Variants in UBR2 observed in about 807,000 individuals in gnomAD.
The protein encoded by UBR2 is E3 ubiquitin-protein ligase UBR2.
Under a neutral mutation model 247.9 loss-of-function variants are expected in UBR2, and 92 were observed. That is an observed-to-expected ratio of 0.37 (90% confidence interval 0.31 to 0.44). The LOEUF (loss-of-function observed/expected upper bound fraction) is 0.44. Ranked by LOEUF, UBR2 falls within the 20% of genes least tolerant of loss-of-function variation. The pLI is 1.00. For synonymous variants in UBR2, 672 were observed against 693.5 expected (o/e 0.97, Z 0.49); for missense variants, 1,613 against 2,112.6 (o/e 0.76, Z 4.64).
intron 11 of UBR2, among the ~76,000 whole-genome samples, chr6:42,622,104 C>T (rs1347251068): frequency 6.6e-6 from 1 of 152,146 alleles, no homozygotes; most frequent in Non-Finnish European, 1.5e-5. Context: ...CAACCTCTGC[C>T]TCCCAGGTTC....
At chr6:42,686,717 C>T (rs1165253852) in intron 44 of UBR2, among the ~76,000 whole-genome samples, 1 of 150,272 alleles carries the variant, frequency 6.7e-6, no homozygotes, top group Non-Finnish European at 1.5e-5. Flanking sequence ...TGCCCCCCAC[C>T]TCCCGGACGG....
At chr6:42,614,380 A>ATATGTATGTACGTACATACATACGTATG (rs1408237817) in intron 8 of UBR2, among the ~76,000 whole-genome samples, 4 of 131,578 alleles carry the variant, frequency 3.0e-5, no homozygotes, top group African/African-American at 1.2e-4. Context: ...ATGTGTGTAT[A>ATATGTATGTACGTACATACATACGTATG]TATGTATGTA....
At chr6:42,607,075 A>G (rs192628758) in intron 7 of UBR2, among the ~76,000 whole-genome samples, 65 of 152,206 alleles carry the variant, frequency 4.3e-4, no homozygotes, top group Middle Eastern at 3.4e-3. Context: ...AGCACAAACT[A>G]TTCTCCACAT....
intron 13 of UBR2, chr6:42,634,249 A>G (rs1468543830): frequency 4.7e-6 from 2 of 422,816 alleles, no homozygotes; most frequent in Non-Finnish European, 9.3e-6. Flanking sequence ...TCTTTTTAGG[A>G]AACATCCCTA....
At chr6:42,653,293 G>T (rs1797227741) in intron 25 of UBR2, among the ~76,000 whole-genome samples, 1 of 152,092 alleles carries the variant, frequency 6.6e-6, no homozygotes, top group South Asian at 2.1e-4. Flanking sequence ...ATGTTCCCCA[G>T]GCTGGTCTCA....
chr6:42,637,236 T>C, intron 15 of UBR2, 42 bp downstream of exon 15: 1 of 1,575,080 alleles, frequency 6.3e-7, no homozygotes. Flanking sequence ...AATTATCTTT[T>C]AAATTGTTGT....
intron 1 of UBR2, among the ~76,000 whole-genome samples, chr6:42,571,006 C>T (rs1466565193): frequency 2.0e-5 from 3 of 147,238 alleles, no homozygotes; most frequent in African/African-American, 7.5e-5. Flanking sequence ...TTTTTCTTAA[C>T]CAGAAGCTGA....
intron 36 of UBR2, among the ~76,000 whole-genome samples, chr6:42,671,065 GTCC>G (rs1798394783): frequency 6.6e-6 from 1 of 151,716 alleles, no homozygotes; most frequent in African/African-American, 2.4e-5. Flanking sequence ...CATGCCTATA[GTCC>G]CAGCTACTCA....
At position 42,592,105 on chromosome 6, in the gene UBR2, T is replaced by C. The variant is rs550594267; in HGVS notation, c.339-46T>C. The C allele has an allele frequency of 3.4e-5, 51 of 1,501,408 alleles. No homozygotes were observed. In the South Asian group the frequency reaches 5.0e-4, roughly 15 times the overall value. 93.0% of individuals were successfully genotyped at this position (1,501,408 alleles called of 1,614,324 possible). The stretch of plus-strand genomic sequence containing the variant: ...TTTGAAATAATTCTGTTGTGAAATA[T>C]ATAGTTATTTTCTGACACTTTGATT... On this transcript the variant is annotated intron_variant, in intron 2 of 46. Transcript: ENST00000372901.
At chr6:42,638,076 T>C (rs1282536481) in intron 15 of UBR2, among the ~76,000 whole-genome samples, 2 of 152,228 alleles carry the variant, frequency 1.3e-5, no homozygotes, top group Non-Finnish European at 2.9e-5. Flanking sequence ...AGAGTTTGTT[T>C]CATTTCTTCC....
At chr6:42,640,126 A>G in intron 15 of UBR2, 83 bp from the exon 16 acceptor site, 1 of 1,096,048 alleles carries the variant, frequency 9.1e-7, no homozygotes, top group Non-Finnish European at 1.3e-6. Flanking sequence ...AGTTAGATAT[A>G]AAGTTGAGTG....
chr6:42,564,783 T>G (rs1323414626), intron 1 of UBR2, among the ~76,000 whole-genome samples: 1 of 152,256 alleles, frequency 6.6e-6, no homozygotes, highest in African/African-American at 2.4e-5. Flanking sequence ...CTAGTTTATC[T>G]AGTTAATTGC....
intron 8 of UBR2, among the ~76,000 whole-genome samples, chr6:42,614,370 ATG>A (rs10553408): frequency 0.086 from 10,593 of 122,470 alleles, 2,053 homozygotes; most frequent in African/African-American, 0.11. Flanking sequence ...ATATGTGTGT[ATG>A]TGTGTATATA....
At position 42,659,923 on chromosome 6, in the gene UBR2, G is replaced by C; in HGVS notation, c.3442+68G>C. Reference sequence around the variant, plus strand: ...TGCCAGTTAATGTGGTTGGTGATACGTTGAGATTTTTTAAACCTAAAAATA... The same window carrying C: ...TGCCAGTTAATGTGGTTGGTGATACCTTGAGATTTTTTAAACCTAAAAATA... On this transcript the variant is annotated intron_variant, in intron 30 of 46. Transcript: ENST00000372901. The surrounding 1 kb of genome is among the most constrained non-coding windows in gnomAD (Gnocchi z 4.3). The C allele has an allele frequency of 6.7e-7, 1 of 1,493,870 alleles. No individual in the cohort carries two copies. The highest frequency in any genetic ancestry group is 1.2e-5 in the South Asian group (1 of 85,054). 92.5% of individuals were successfully genotyped at this position (1,493,870 alleles called of 1,614,324 possible). A position where few individuals can be genotyped will look rare whatever the true frequency, so the allele number is the denominator to read the frequency against.
chr6:42,609,505 A>C (rs1447948273), intron 7 of UBR2, among the ~76,000 whole-genome samples: 1 of 152,196 alleles, frequency 6.6e-6, no homozygotes, highest in Non-Finnish European at 1.5e-5. Flanking sequence ...ACAAAAACTT[A>C]CTATGTTAAT....
At chr6:42,596,296 C>T (rs1209179597) in intron 4 of UBR2, among the ~76,000 whole-genome samples, 1 of 151,016 alleles carries the variant, frequency 6.6e-6, no homozygotes, top group Non-Finnish European at 1.5e-5. Flanking sequence ...AAAATCAAAA[C>T]CACAGTGAGA....
At chr6:42,617,272 G>A in intron 10 of UBR2, 137 bp from the exon 11 acceptor site, 1 of 1,614,144 alleles carries the variant, frequency 6.2e-7, no homozygotes. Flanking sequence ...ATTTTATGGA[G>A]GATGATCACG....
intron 2 of UBR2, among the ~76,000 whole-genome samples, chr6:42,582,775 A>C (rs536569050): frequency 1.3e-5 from 2 of 152,318 alleles, no homozygotes; most frequent in South Asian, 4.1e-4. Context: ...ATACTATTTA[A>C]ATATCTGCCA....
chr6:42,609,166 G>C (rs1793904839), intron 7 of UBR2, among the ~76,000 whole-genome samples: 1 of 152,166 alleles, frequency 6.6e-6, no homozygotes, highest in African/African-American at 2.4e-5. Flanking sequence ...ACAGCATTTA[G>C]GGAAAACAGT....
Sources: gnomAD v4.1 joint callset for allele counts (sites outside exome capture counted in the v4.1 genomes callset) on GRCh38, gnomAD v4.1.1 for gene constraint, Gnocchi (gnomAD v3.1) non-coding constraint, MANE v1.5 for transcripts, NCBI Gene and HGNC (gene_info 2026-07-23, HGNC 2026-07-21) for gene names.